The following ST18 variants were observed in gnomAD, a reference collection of about 807,000 sequenced individuals.
ST18 encodes ST18 C2H2C-type zinc finger transcription factor.
In ST18, 50 loss-of-function variants were observed where a neutral mutation model predicts 110.0. That is an observed-to-expected ratio of 0.45 (90% confidence interval 0.36 to 0.58). The LOEUF is 0.58. Ranked by LOEUF, ST18 falls within the 20% of genes least tolerant of loss-of-function variation. The pLI is 0.00. For synonymous variants in ST18, 461 were observed against 452.4 expected (o/e 1.02, Z -0.24); for missense variants, 1,306 against 1,280.1 (o/e 1.02, Z -0.31).
At position 52,172,517 on chromosome 8, in the gene ST18, T is replaced by C. The variant is rs918757611; in HGVS notation, c.344A>G (p.Lys115Arg). The change falls in exon 10 of 26, where the codon AAG becomes AGG. Residue 115 changes from lysine to arginine, a missense_variant. Physicochemically the swap from Lys to Arg is conservative, Grantham distance 26. Transcript: ENST00000689386. ...TTGATAACAAGAGTATCTGTCTTCC[T>C]TCCTACTGGAGTTTTCTTGTGCAGT... ...LSTAQENSSR[K>R]EDRYSCYQEL... is the part of the protein sequence containing the mutation. The C allele has an allele frequency of 5.6e-6, 9 of 1,612,938 alleles. No individual in the cohort carries two copies. The highest frequency in any genetic ancestry group is 7.6e-6 in the Non-Finnish European group (9 of 1,179,784).
At chr8:52,404,815 A>G (rs1222728864) in intron 2 of ST18, 2 of 152,228 alleles carry the variant, frequency 1.3e-5, no homozygotes, top group Non-Finnish European at 2.9e-5. Context: ...CTGTTTTTCT[A>G]TAAGATAAAC....
chr8:52,275,921 T>C (rs62499812), intron 2 of ST18, among the ~76,000 whole-genome samples: 47,911 of 150,412 alleles, frequency 0.32, 7,891 homozygotes, highest in Middle Eastern at 0.46. Flanking sequence ...TCTTTATGGA[T>C]CCAGGAAAAC....
At chr8:52,394,049 T>C (rs554597410) in intron 2 of ST18, among the ~76,000 whole-genome samples, 1 of 152,158 alleles carries the variant, frequency 6.6e-6, no homozygotes, top group Non-Finnish European at 1.5e-5. Context: ...TCTCATCATA[T>C]CTTCATACTC....
chr8:52,183,517 A>G (rs2070741279), intron 8 of ST18, among the ~76,000 whole-genome samples: 1 of 152,244 alleles, frequency 6.6e-6, no homozygotes, highest in African/African-American at 2.4e-5. Flanking sequence ...TGATAATAAG[A>G]GTATGTGAAA....
chr8:52,285,129 A>G (rs2095447178), intron 2 of ST18, among the ~76,000 whole-genome samples: 1 of 152,194 alleles, frequency 6.6e-6, no homozygotes, highest in Non-Finnish European at 1.5e-5. Flanking sequence ...CTAAAGCTGG[A>G]TAGGTGGCTT....
intron 2 of ST18, among the ~76,000 whole-genome samples, chr8:52,324,966 T>C (rs750077842): frequency 6.6e-6 from 1 of 152,244 alleles, no homozygotes; most frequent in Non-Finnish European, 1.5e-5. Flanking sequence ...AAAAATAAGT[T>C]GGACATTTGA....
intron 23 of ST18, among the ~76,000 whole-genome samples, chr8:52,119,620 A>G (rs1265101602): frequency 6.6e-6 from 1 of 152,172 alleles, no homozygotes; most frequent in Non-Finnish European, 1.5e-5. Flanking sequence ...CCCAAAACAA[A>G]TGGTTGCACA....
chr8:52,180,247 A>T lies in ST18; in HGVS notation c.152T>A (p.Val51Asp). 6.2e-7 allele frequency: 1 copy of T among 1,614,126 alleles called. No individual in the cohort carries two copies. Among genetic ancestry groups the T allele is most frequent in the Non-Finnish European group, 8.5e-7 (1 of 1,180,010 alleles). ...TAEDQALGVP[V>D]NKRKSLLMKP... Reference sequence around the variant, plus strand: ...CATTAGCAGGGATTTCCTTTTGTTGACTGGAACCCCCAAAGCCTGATCTTC... The same window carrying T: ...CATTAGCAGGGATTTCCTTTTGTTGTCTGGAACCCCCAAAGCCTGATCTTC... Residue 51 changes from valine to aspartate, a missense_variant, in exon 9 of 26, where the codon GTC becomes GAC. Physicochemically the swap from Val to Asp is radical, Grantham distance 152. Transcript: ENST00000689386.
chr8:52,377,484 G>T (rs994217797), intron 2 of ST18, among the ~76,000 whole-genome samples: 6 of 152,282 alleles, frequency 3.9e-5, no homozygotes, highest in African/African-American at 1.4e-4. Flanking sequence ...TTCAGCCTTA[G>T]AAAGAGCAAT....
Position 52,318,748 on chromosome 8 carries a change from C to T in ST18, c.-464-88671G>A, listed in dbSNP as rs944725495. ...ATATACACCATGGAATACTATGCTG[C>T]CATAAAAAGGAACAAGATCGTATCC... On this transcript the variant is annotated intron_variant, in intron 2 of 25. Transcript: ENST00000689386. Among the ~76,000 whole-genome samples, 7 of 152,018 alleles carry T rather than the reference C, an allele frequency of 4.6e-5. 1 individual carries two copies. Among genetic ancestry groups the T allele is most frequent in the Admixed American group, 2.6e-4 (4 of 15,254 alleles).
rs565380460 is a variant in ST18, at chr8:52,386,000, G to A, written c.-465+23328C>T. Among the ~76,000 whole-genome samples, 4 of 152,234 alleles carry A rather than the reference G, an allele frequency of 2.6e-5. No homozygotes were observed. In the East Asian group the frequency reaches 7.7e-4, roughly 29 times the overall value. The stretch of plus-strand genomic sequence containing the variant: ...GGCCTCCTATTTCATCACACCCTCT[G>A]ACCCCAGTCATTCCATGCCTGGGAC... On this transcript the variant is annotated intron_variant, in intron 2 of 25. Coordinates refer to ENST00000689386, the MANE Select transcript of ST18 (RefSeq NM_001352837.2).
At chr8:52,115,792 T>G (rs1242129190) in intron 25 of ST18, among the ~76,000 whole-genome samples, 2 of 152,180 alleles carry the variant, frequency 1.3e-5, no homozygotes, top group Admixed American at 6.5e-5. Context: ...TGTTCATTTT[T>G]TTTTGCTTTT....
intron 8 of ST18, among the ~76,000 whole-genome samples, chr8:52,187,757 G>A (rs1418669486): frequency 6.6e-6 from 1 of 152,138 alleles, no homozygotes; most frequent in African/African-American, 2.4e-5. Context: ...TCTTGCAGAT[G>A]TTCTCAATGG....
intron 2 of ST18, among the ~76,000 whole-genome samples, chr8:52,262,923 C>T (rs776442607): frequency 1.3e-5 from 2 of 152,202 alleles, no homozygotes; most frequent in Non-Finnish European, 2.9e-5. Context: ...CCAGAAAACT[C>T]TTATCAAAAG....
chr8:52,234,943 A>G (rs925630749), intron 2 of ST18, among the ~76,000 whole-genome samples: 2 of 152,084 alleles, frequency 1.3e-5, no homozygotes, highest in Non-Finnish European at 2.9e-5. Context: ...GAATGATATA[A>G]TGGACTTTAG....
At position 52,143,034 on chromosome 8, in the gene ST18, C is replaced by T. The variant is rs957997655; in HGVS notation, c.2064G>A (p.Val688=). The change falls in exon 17 of 26, where the codon GTG becomes GTA. Residue 688 remains valine, a synonymous_variant. Transcript: ENST00000689386. ...TTTCCTCTAAATTTTCTAGAGAGCT[C>T]ACTGGGTCTTTCTGGAAAACAAACA... is the stretch of plus-strand genomic sequence containing the variant. The part of the protein sequence containing the change: ...KTEEEKEKDP[V]SSLENLEEKK... 1 of 1,608,322 alleles carries T rather than the reference C, an allele frequency of 6.2e-7. No homozygotes were observed. The highest frequency in any genetic ancestry group is 1.3e-5 in the African/African-American group (1 of 74,686).
intron 3 of ST18, among the ~76,000 whole-genome samples, chr8:52,227,026 T>G (rs750181606): frequency 4.6e-5 from 7 of 152,216 alleles, no homozygotes; most frequent in Non-Finnish European, 8.8e-5. Context: ...AATGTAGTTA[T>G]TTAACTTTAT....
Position 52,268,550 on chromosome 8 carries a change from TTATC to T in ST18, c.-464-38477_-464-38474del, listed in dbSNP as rs545494656. On this transcript the variant is annotated intron_variant, in intron 2 of 25. Coordinates refer to ENST00000689386, the MANE Select transcript of ST18 (RefSeq NM_001352837.2). ...TACTATCTATCATCTATCTATCTATTTATCTATCTATCATCTATCTATCTCTATC... is the reference window on the plus strand; with the variant it reads ...TACTATCTATCATCTATCTATCTATTTATCTATCATCTATCTATCTCTATC... Among the ~76,000 whole-genome samples, 96 of 151,808 alleles carry T rather than the reference TTATC, an allele frequency of 6.3e-4. No individual in the cohort carries two copies. The East Asian group carries it at 0.016, about 25-fold the overall frequency.
At chr8:52,325,062 G>A (rs1805679704) in intron 2 of ST18, among the ~76,000 whole-genome samples, 1 of 152,146 alleles carries the variant, frequency 6.6e-6, no homozygotes, top group African/African-American at 2.4e-5. Flanking sequence ...GATAATAGCT[G>A]CAAAATCAAA....
Sources: allele counts gnomAD v4.1 joint callset (sites outside exome capture counted in the v4.1 genomes callset), GRCh38; gene constraint gnomAD v4.1.1; transcripts MANE v1.5; gene names NCBI Gene and HGNC (gene_info 2026-07-23, HGNC 2026-07-21).